Variants in DPEP1 observed in about 807,000 individuals in gnomAD.
The protein encoded by DPEP1 is beta-lactamase.
DPEP1 carries 50 observed loss-of-function variants against 42.3 expected under a neutral mutation model. The observed-to-expected ratio is 1.18, with a 90% confidence interval of 0.94 to 1.50. DPEP1 has a LOEUF of 1.50. Ranked by LOEUF, DPEP1 falls within the 40% of genes most tolerant of loss-of-function variation. The pLI, the probability that DPEP1 is intolerant of heterozygous loss-of-function variation, is 0.00. For missense variants in DPEP1, 663 were observed against 553.0 expected (o/e 1.20, Z -1.99); for synonymous variants, 297 against 234.0 (o/e 1.27, Z -2.46).
Position 89,638,184 on chromosome 16 carries a change from T to C in DPEP1, c.1198T>C (p.Ser400Pro). 2.5e-6 allele frequency: 4 copies of C among 1,595,656 alleles called. No individual in the cohort carries two copies. The highest frequency in any genetic ancestry group is 3.4e-6 in the Non-Finnish European group (4 of 1,169,330). The change falls in exon 11 of 11, where the codon TCC becomes CCC. Residue 400 changes from serine (S) to proline (P), a missense_variant. Ser to Pro is a moderately conservative substitution (Grantham distance 74, BLOSUM62 -1). Transcript: ENST00000690203. ...TCGCCACTGGGGGCTCCTGCTGGCC[T>C]CCCTCGCTCCCCTGGTCCTCTGTCT... ...LHRHWGLLLA[S>P]LAPLVLCLSL... is the part of the protein sequence containing the mutation.
downstream of DPEP1, chr16:89,640,594 C>G: frequency 8.1e-6 from 8 of 982,272 alleles, no homozygotes; most frequent in Non-Finnish European, 9.7e-6. Flanking sequence ...CCCCTCCCAG[C>G]CTGGCTGCTG....
chr16:89,632,331 G>A (rs2059599106), intron 2 of DPEP1, among the ~76,000 whole-genome samples: 1 of 152,202 alleles, frequency 6.6e-6, no homozygotes, highest in South Asian at 2.1e-4. Context: ...GGGATTCCAG[G>A]CGTGAGCCAC....
chr16:89,622,863 G>T (rs1437437386), intron 1 of DPEP1, among the ~76,000 whole-genome samples: 1 of 152,146 alleles, frequency 6.6e-6, no homozygotes, highest in Non-Finnish European at 1.5e-5. Context: ...CTGGGAAGGA[G>T]GAAGTGAATG....
At chr16:89,615,883 C>T (rs560525323) in intron 1 of DPEP1, among the ~76,000 whole-genome samples, 1 of 152,260 alleles carries the variant, frequency 6.6e-6, no homozygotes, top group African/African-American at 2.4e-5. Flanking sequence ...CCCGCCCTGG[C>T]CTCTGAGTGT....
chr16:89,636,977 C>T (rs773368730), intron 6 of DPEP1, 42 bp downstream of exon 6: 5 of 1,606,550 alleles, frequency 3.1e-6, no homozygotes, highest in Non-Finnish European at 4.2e-6. Context: ...GAGGAGAAGG[C>T]AGAGGCCCTG....
In DPEP1 at chr16:89,638,210, G is replaced by T; in HGVS notation, c.1224G>T (p.Leu408=). 1 of 1,565,932 alleles carries T rather than the reference G, an allele frequency of 6.4e-7. No individual in the cohort carries two copies. Among genetic ancestry groups the T allele is most frequent in the Non-Finnish European group, 8.7e-7 (1 of 1,155,212 alleles). ...LASLAPLVLC[L]SLL Reference sequence around the variant, plus strand: ...CCCTCGCTCCCCTGGTCCTCTGTCTGTCTCTCCTGTGAAACCTGGGAGACC... The same window carrying T: ...CCCTCGCTCCCCTGGTCCTCTGTCTTTCTCTCCTGTGAAACCTGGGAGACC... Residue 408 remains leucine (L), a synonymous_variant, in exon 11 of 11, where the codon CTG becomes CTT. Transcript: ENST00000690203.
intron 1 of DPEP1, among the ~76,000 whole-genome samples, chr16:89,618,112 A>G (rs1228385265): frequency 2.6e-5 from 4 of 152,218 alleles, no homozygotes; most frequent in African/African-American, 7.2e-5. Flanking sequence ...TTTACCATTT[A>G]TCTTCATATT....
At chr16:89,618,901 C>T (rs1028970427) in intron 1 of DPEP1, among the ~76,000 whole-genome samples, 9 of 151,758 alleles carry the variant, frequency 5.9e-5, no homozygotes, top group East Asian at 5.8e-4. Context: ...CTTTGGCTTC[C>T]GGAGGGTTGC....
At position 89,638,408 on chromosome 16, in the gene DPEP1, C is replaced by T. The variant is rs1004587122; in HGVS notation, c.*186C>T. The T allele has an allele frequency of 9.7e-5, 131 of 1,348,178 alleles. No individual in the cohort carries two copies. The highest frequency in any genetic ancestry group is 2.1e-4 in the South Asian group (10 of 46,986). 83.5% of individuals were successfully genotyped at this position (1,348,178 alleles called of 1,614,324 possible). On this transcript the variant is annotated 3_prime_UTR_variant, in exon 11 of 11. Transcript: ENST00000690203. ...GTTCAGGACACACACACAGTAGGCC[C>T]GCAATAAAAGCAACACCCCTTCACA... is the stretch of plus-strand genomic sequence containing the variant.
chr16:89,637,360 G>C lies in DPEP1; in HGVS notation c.748G>C (p.Asp250His). 6.2e-7 allele frequency: 1 copy of C among 1,612,312 alleles called. No homozygotes were observed. Residue 250 changes from aspartate (D) to histidine (H), a missense_variant, in exon 7 of 11, where the codon GAC becomes CAC. Coordinates refer to ENST00000690203, the MANE Select transcript of DPEP1 (RefSeq NM_001389466.1). Reference sequence around the variant, plus strand: ...GTGCGCAAGCCGGCGCAACGTGCCTGACGACGTCCTGAGGCTGGTGGTGAG... The same window carrying C: ...GTGCGCAAGCCGGCGCAACGTGCCTCACGACGTCCTGAGGCTGGTGGTGAG... ...SVCASRRNVP[D>H]DVLRLVKQTD... is the part of the protein sequence containing the mutation.
intron 1 of DPEP1, among the ~76,000 whole-genome samples, chr16:89,618,883 C>A (rs1015185295): frequency 6.6e-6 from 1 of 151,844 alleles, no homozygotes; most frequent in East Asian, 1.9e-4. Context: ...CCCACCAGCA[C>A]CCTCTACCTT....
At chr16:89,615,976 G>T (rs1013009326) in intron 1 of DPEP1, among the ~76,000 whole-genome samples, 2 of 152,136 alleles carry the variant, frequency 1.3e-5, no homozygotes, top group Non-Finnish European at 2.9e-5. Flanking sequence ...CGTGTCCCCA[G>T]GCAGGAGAAT....
At chr16:89,625,308 C>A (rs1001646588) in intron 1 of DPEP1, among the ~76,000 whole-genome samples, 1 of 152,142 alleles carries the variant, frequency 6.6e-6, no homozygotes. Flanking sequence ...CAGGGCATCA[C>A]GTGCAGAGAG....
chr16:89,635,358 C>T (rs1484485104), intron 2 of DPEP1, among the ~76,000 whole-genome samples: 1 of 152,166 alleles, frequency 6.6e-6, no homozygotes, highest in Non-Finnish European at 1.5e-5. Context: ...TCCCTGGGGA[C>T]AGAGGCAGCA....
chr16:89,635,693 G>T (rs889903159), intron 2 of DPEP1, among the ~76,000 whole-genome samples: 8 of 152,200 alleles, frequency 5.3e-5, no homozygotes, highest in African/African-American at 1.9e-4. Flanking sequence ...CTGGCTCGGG[G>T]TTCCCTGCCC....
At chr16:89,640,174 C>T (rs951903983), downstream of DPEP1, among the ~76,000 whole-genome samples, 97 of 152,206 alleles carry the variant, frequency 6.4e-4, no homozygotes, top group African/African-American at 2.3e-3. Context: ...TCTTGAGATG[C>T]ACACAGGGCA....
At position 89,637,987 on chromosome 16, in the gene DPEP1, C is replaced by T; in HGVS notation, c.1065+16C>T. 6.2e-7 allele frequency: 1 copy of T among 1,606,780 alleles called. No homozygotes were observed. Among genetic ancestry groups the T allele is most frequent in the African/African-American group, 1.3e-5 (1 of 74,880 alleles). Reference sequence around the variant, plus strand: ...TGTGGAACAGGTGAGGATGGGGTGGCCACCTGAGTCTCCCCCACCACCACC... The same window carrying T: ...TGTGGAACAGGTGAGGATGGGGTGGTCACCTGAGTCTCCCCCACCACCACC... On this transcript the variant is annotated intron_variant, in intron 10 of 10. Coordinates refer to ENST00000690203, the MANE Select transcript of DPEP1 (RefSeq NM_001389466.1).
At chr16:89,626,704 C>T (rs991301693) in intron 1 of DPEP1, among the ~76,000 whole-genome samples, 2 of 151,954 alleles carry the variant, frequency 1.3e-5, no homozygotes, top group Admixed American at 6.6e-5. Context: ...AAACTCTCTC[C>T]CCCGCTGCCA....
chr16:89,632,111 G>A (rs189897224), intron 2 of DPEP1, among the ~76,000 whole-genome samples: 5 of 152,242 alleles, frequency 3.3e-5, no homozygotes, highest in East Asian at 1.9e-4. Flanking sequence ...GTGCAGTGGC[G>A]TGATCTCAGC....
Sources: gnomAD v4.1 joint callset for allele counts (sites outside exome capture counted in the v4.1 genomes callset) on GRCh38, gnomAD v4.1.1 for gene constraint, MANE v1.5 for transcripts, NCBI Gene and HGNC (gene_info 2026-07-23, HGNC 2026-07-21) for gene names.